Variants in SLC44A2 observed in about 807,000 individuals in gnomAD.
The protein encoded by SLC44A2 is choline transporter-like protein 2.
A neutral mutation model predicts 90.8 loss-of-function variants in SLC44A2; 57 were observed. That is an observed-to-expected ratio of 0.63 (90% CI 0.51 to 0.78). The LOEUF is 0.78. Among genes scored for constraint, SLC44A2 ranks in the 30% least tolerant of loss-of-function variants. The pLI is 0.00. For synonymous variants in SLC44A2, 355 were observed against 360.7 expected, an observed-to-expected ratio of 0.98 and a Z score of 0.18; for missense variants, 794 against 919.7, an observed-to-expected ratio of 0.86 and a Z score of 1.77.
Position 10,625,582 on chromosome 19 carries a change from A to G in SLC44A2, c.-52A>G, listed in dbSNP as rs531999175. 149 of 1,232,998 alleles carry G rather than the reference A, an allele frequency of 1.2e-4. No homozygotes were observed. In the East Asian group the frequency reaches 2.1e-3, roughly 17 times the overall value. 76.4% of individuals were successfully genotyped at this position (1,232,998 alleles called of 1,614,324 possible). A position where few individuals can be genotyped will look rare whatever the true frequency, so the allele number is the denominator to read the frequency against. On this transcript the variant is annotated 5_prime_UTR_variant, in exon 1 of 22. Transcript: ENST00000335757. The stretch of plus-strand genomic sequence containing the variant: ...CCTCCCTCCAGACTCGGGAGGGTCG[A>G]GGGGGCGCGGGAGAGAGCGCGGGCG...
At chr19:10,633,251 G>T (rs1192009249) in intron 10 of SLC44A2, among the ~76,000 whole-genome samples, 1 of 151,368 alleles carries the variant, frequency 6.6e-6, no homozygotes, top group East Asian at 2.0e-4. Flanking sequence ...TGCAATCTCT[G>T]CCTCCCGGGT....
intron 21 of SLC44A2, chr19:10,642,898 T>C: frequency 6.3e-7 from 1 of 1,587,312 alleles, no homozygotes; most frequent in Non-Finnish European, 8.5e-7. Flanking sequence ...GGAGCCCAGG[T>C]GAGGACCTGG....
intron 10 of SLC44A2, 44 bp downstream of exon 10, chr19:10,632,200 C>T (rs747221299): frequency 3.9e-6 from 6 of 1,524,310 alleles, no homozygotes; most frequent in Non-Finnish European, 5.5e-6. Flanking sequence ...TGAATCCGCA[C>T]ACTGCCCTGC....
chr19:10,642,335 G>C (rs370526644), intron 20 of SLC44A2, 32 bp from the exon 21 acceptor site: 28 of 1,593,802 alleles, frequency 1.8e-5, no homozygotes, highest in Non-Finnish European at 2.1e-5. Flanking sequence ...GGAAGGACAC[G>C]GAGCAGGGAC....
In SLC44A2 at chr19:10,635,237, A is replaced by G. The variant is rs780345107; in HGVS notation, c.1130A>G (p.Tyr377Cys). 6.2e-7 allele frequency: 1 copy of G among 1,613,930 alleles called. No homozygotes were observed. The highest frequency in any genetic ancestry group is 1.3e-5 in the African/African-American group (1 of 74,966). The change falls in exon 13 of 22, where the codon TAC becomes TGC. Residue 377 changes from tyrosine to cysteine, a missense_variant. Physicochemically the swap from Tyr to Cys is radical, Grantham distance 194. This residue lies in a region of SLC44A2 where 738 missense variants were observed against 841.1 expected (regional missense o/e 0.88). Transcript: ENST00000335757. Reference protein sequence around the residue: ...TFFLLCLCIAYWASTAVFLST... With the variant: ...TFFLLCLCIACWASTAVFLST... ...TTCTTGCTGTGCCTCTGCATCGCCT[A>G]CTGGGCCAGCACTGCTGTGTATCTG...
chr19:10,614,049 T>A (rs1342565220), intron 1 of SLC44A2, among the ~76,000 whole-genome samples: 4 of 152,058 alleles, frequency 2.6e-5, no homozygotes, highest in Non-Finnish European at 5.9e-5. Context: ...CACTGCAACC[T>A]CTGCTTCCTG....
intron 13 of SLC44A2, 80 bp from the exon 14 acceptor site, chr19:10,635,351 T>C: frequency 6.2e-7 from 1 of 1,606,258 alleles, no homozygotes; most frequent in Non-Finnish European, 8.5e-7. Context: ...GGCTGGAAAC[T>C]GGTGGGAGAA....
upstream of SLC44A2, among the ~76,000 whole-genome samples, chr19:10,622,200 C>T (rs1164660566): frequency 6.6e-6 from 1 of 152,140 alleles, no homozygotes; most frequent in Non-Finnish European, 1.5e-5. Flanking sequence ...GGGACGTACC[C>T]AGGAGGCCAG....
intron 5 of SLC44A2, 49 bp downstream of exon 5, chr19:10,631,190 T>G (rs1159881781): frequency 6.2e-7 from 1 of 1,602,496 alleles, no homozygotes; most frequent in Admixed American, 1.7e-5. Context: ...CTTCCCATCC[T>G]TTTCCCCCTG....
upstream of SLC44A2, among the ~76,000 whole-genome samples, chr19:10,620,831 G>A (rs765947501): frequency 2.0e-5 from 3 of 151,994 alleles, no homozygotes; most frequent in Non-Finnish European, 2.9e-5. Flanking sequence ...TTGAGCACAG[G>A]AGTTTGAGAC....
upstream of SLC44A2, among the ~76,000 whole-genome samples, chr19:10,624,951 A>G (rs2066918294): frequency 6.6e-6 from 1 of 152,186 alleles, no homozygotes; most frequent in South Asian, 2.1e-4. Flanking sequence ...CCTGGGCAAC[A>G]TAGCAACATC....
In SLC44A2 at chr19:10,620,187, C is replaced by CA. The variant is rs914688415; in HGVS notation, c.32-6056dup. 2.0e-3 allele frequency among the ~76,000 whole-genome samples: 296 copies of CA among 147,978 alleles called. 2 individuals carry two copies. Among genetic ancestry groups the CA allele is most frequent in the African/African-American group, 5.8e-3 (236 of 40,418 alleles). ...TGAGGCTTTGTCTCAAAAACAAAAACAAAAAAAAAATTACTGGGCGCTGTG... is the reference window on the plus strand; with the variant it reads ...TGAGGCTTTGTCTCAAAAACAAAAACAAAAAAAAAAATTACTGGGCGCTGTG... On this transcript the variant is annotated intron_variant, in intron 1 of 21. Transcript: ENST00000407327.
At position 10,633,862 on chromosome 19, in the gene SLC44A2, G is replaced by A. The variant is rs377612479; in HGVS notation, c.824-894G>A. ...CATATTAATAGTGGTTTCTAGCTGG[G>A]TGCGGTGGCGCACGCCTGTAATCCC... On this transcript the variant is annotated intron_variant, in intron 10 of 21. Coordinates refer to ENST00000335757, the MANE Select transcript of SLC44A2 (RefSeq NM_020428.4). Among the ~76,000 whole-genome samples, 438 of 152,214 alleles carry A rather than the reference G, an allele frequency of 2.9e-3. 3 individuals are homozygous for A. Among genetic ancestry groups the A allele is most frequent in the African/African-American group, 0.01 (419 of 41,550 alleles).
intron 1 of SLC44A2, among the ~76,000 whole-genome samples, chr19:10,604,237 A>G (rs1364858013): frequency 1.3e-5 from 2 of 152,190 alleles, no homozygotes; most frequent in African/African-American, 4.8e-5. Context: ...TGTGGCAGAA[A>G]CAGCAGCGAT....
At chr19:10,611,283 C>G (rs756217311) in intron 1 of SLC44A2, among the ~76,000 whole-genome samples, 5 of 151,976 alleles carry the variant, frequency 3.3e-5, no homozygotes, top group African/African-American at 4.8e-5. Context: ...GAAACCCCAT[C>G]TCTGCTAACA....
intron 20 of SLC44A2, among the ~76,000 whole-genome samples, chr19:10,639,880 C>CA (rs112280242): frequency 0.017 from 2,364 of 141,040 alleles, 49 homozygotes; most frequent in African/African-American, 0.051. Flanking sequence ...GACTCTCTCT[C>CA]AAAAAAAAAA....
chr19:10,641,114 C>A, intron 20 of SLC44A2: 1 of 407,412 alleles, frequency 2.5e-6, no homozygotes, highest in South Asian at 1.8e-5. Flanking sequence ...GGCTCTCAGC[C>A]AGACGCAGGG....
chr19:10,627,759 C>T lies in SLC44A2; in HGVS notation c.124C>T (p.Leu42=). Reference sequence around the variant, plus strand: ...TATCATATGCTGTGTGTTCCTGCTCCTGGCCATTGTGGGCTACGTGGCTGT... The same window carrying T: ...TATCATATGCTGTGTGTTCCTGCTCTTGGCCATTGTGGGCTACGTGGCTGT... The part of the protein sequence containing the change: ...TDIICCVFLL[L]AIVGYVAVGI... Residue 42 remains leucine (L), a synonymous_variant, in exon 3 of 22, where the codon CTG becomes TTG. Transcript: ENST00000335757. 6.2e-7 allele frequency: 1 copy of T among 1,613,940 alleles called. No individual in the cohort carries two copies. Among genetic ancestry groups the T allele is most frequent in the Non-Finnish European group, 8.5e-7 (1 of 1,180,022 alleles).
chr19:10,643,552 C>A lies in SLC44A2; in HGVS notation c.*167C>A. On this transcript the variant is annotated 3_prime_UTR_variant, in exon 22 of 22. Transcript: ENST00000335757. The stretch of plus-strand genomic sequence containing the variant: ...TCTGGACGTGGAGAGTCTGGGGCAT[C>A]TCCTTCTTATGCCAAGGGGCGCTTG... 1.3e-6 allele frequency: 1 copy of A among 780,110 alleles called. No individual in the cohort carries two copies. Among genetic ancestry groups the A allele is most frequent in the East Asian group, 3.0e-5 (1 of 32,954 alleles). 48.3% of individuals were successfully genotyped at this position (780,110 alleles called of 1,614,324 possible). A position where few individuals can be genotyped will look rare whatever the true frequency, so the allele number is the denominator to read the frequency against.
Sources: allele counts gnomAD v4.1 joint callset (sites outside exome capture counted in the v4.1 genomes callset), GRCh38; gene constraint gnomAD v4.1.1; regional missense constraint gnomAD v4.1.1; transcripts MANE v1.5; gene names NCBI Gene and HGNC (gene_info 2026-07-23, HGNC 2026-07-21).